The following APBB1IP variants were observed in gnomAD, a reference collection of about 807,000 sequenced individuals.
APBB1IP encodes amyloid beta A4 precursor protein-binding family B member 1-interacting protein.
APBB1IP carries 27 observed loss-of-function variants against 64.9 expected under a neutral mutation model. The ratio of observed to expected loss-of-function variants is 0.42; its 90% confidence interval spans 0.31 to 0.57. The LOEUF is 0.57. Among genes scored for constraint, APBB1IP ranks in the 20% least tolerant of loss-of-function variants. The pLI is 0.20. For missense variants in APBB1IP, 812 were observed against 845.5 expected, an observed-to-expected ratio of 0.96 and a Z score of 0.49; for synonymous variants, 392 against 331.0, an observed-to-expected ratio of 1.18 and a Z score of -2.00.
At position 26,567,663 on chromosome 10, in the gene APBB1IP, C is replaced by T; in HGVS notation, c.*175C>T. The T allele has an allele frequency of 7.4e-7, 1 of 1,351,146 alleles. No homozygotes were observed. The highest frequency in any genetic ancestry group is 2.6e-5 in the Admixed American group (1 of 37,766). 83.7% of individuals were successfully genotyped at this position (1,351,146 alleles called of 1,614,324 possible). ...AACCCAGTAGAGTTCAGAATATCTG[C>T]CCAAATGTACATATCGTTCCCATGT... On this transcript the variant is annotated 3_prime_UTR_variant, in exon 15 of 15. Coordinates refer to ENST00000376236, the MANE Select transcript of APBB1IP (RefSeq NM_019043.4).
intron 14 of APBB1IP, among the ~76,000 whole-genome samples, chr10:26,562,677 G>T (rs926144574): frequency 1.3e-5 from 2 of 152,008 alleles, no homozygotes; most frequent in Non-Finnish European, 2.9e-5. Flanking sequence ...TGCACCTGTA[G>T]TCCCAGCTAC....
At chr10:26,503,383 C>T in intron 6 of APBB1IP, 109 bp downstream of exon 6, 6 of 1,014,868 alleles carry the variant, frequency 5.9e-6, no homozygotes, top group Non-Finnish European at 8.7e-6. Flanking sequence ...CACCTGTAAT[C>T]CCAGCACTTT....
intron 2 of APBB1IP, among the ~76,000 whole-genome samples, chr10:26,448,461 CAT>C (rs1319886246): frequency 1.3e-5 from 2 of 152,188 alleles, no homozygotes; most frequent in Non-Finnish European, 2.9e-5. Flanking sequence ...TAAATGGCCT[CAT>C]GTGGCTAGTG....
chr10:26,553,336 T>C (rs1362165543), intron 11 of APBB1IP, among the ~76,000 whole-genome samples: 3 of 151,952 alleles, frequency 2.0e-5, no homozygotes, highest in Non-Finnish European at 4.4e-5. Context: ...TTTATTCTCA[T>C]AGTTTAATTC....
At chr10:26,523,065 T>C (rs2132454537) in intron 8 of APBB1IP, among the ~76,000 whole-genome samples, 1 of 151,412 alleles carries the variant, frequency 6.6e-6, no homozygotes. Context: ...GGGACATCTC[T>C]TAATGTTAGA....
rs11015145 is a variant in APBB1IP, at chr10:26,515,574, A to G, written c.813+1914A>G. 2.4e-4 allele frequency among the ~76,000 whole-genome samples: 36 copies of G among 152,358 alleles called. No individual in the cohort carries two copies. In the East Asian group the frequency reaches 6.5e-3, roughly 28 times the overall value. On this transcript the variant is annotated intron_variant, in intron 8 of 14. Coordinates refer to ENST00000376236, the MANE Select transcript of APBB1IP (RefSeq NM_019043.4). ...AAACTAGGGAGTTACATTCAGGGCC[A>G]CCACTTTGCATAACTCCTCCATGAG...
At position 26,496,375 on chromosome 10, in the gene APBB1IP, G is replaced by T. The variant is rs770437464; in HGVS notation, c.144G>T (p.Gly48=). 12 of 1,610,430 alleles carry T rather than the reference G, an allele frequency of 7.5e-6. No individual in the cohort carries two copies. The Admixed American group carries it at 1.3e-4, about 18-fold the overall frequency. The change falls in exon 4 of 15, where the codon GGG becomes GGT. Residue 48 remains glycine, a synonymous_variant. Transcript: ENST00000376236. ...GAGCTGAATTTAACTACAGTGTGGG[G>T]TTTAAAGATTTAAATGGTAAGCATA... The part of the protein sequence containing the change: ...PPRAEFNYSV[G]FKDLNESLNA...
At chr10:26,456,521 T>G (rs1300182682) in intron 2 of APBB1IP, among the ~76,000 whole-genome samples, 9 of 152,122 alleles carry the variant, frequency 5.9e-5, no homozygotes. Context: ...AAAGTTTTGC[T>G]ACTTGAAAGA....
intron 2 of APBB1IP, among the ~76,000 whole-genome samples, chr10:26,469,200 T>G (rs2132412714): frequency 6.6e-6 from 1 of 151,878 alleles, no homozygotes; most frequent in East Asian, 1.9e-4. Flanking sequence ...AAAAATATTT[T>G]TATATCCTTA....
intron 8 of APBB1IP, among the ~76,000 whole-genome samples, chr10:26,520,908 G>T (rs986720845): frequency 6.6e-6 from 1 of 152,120 alleles, no homozygotes; most frequent in Non-Finnish European, 1.5e-5. Context: ...CTACAGTAAA[G>T]TTCTGTATAA....
At chr10:26,562,238 A>G in intron 13 of APBB1IP, 88 bp from the exon 14 acceptor site, 2 of 992,656 alleles carry the variant, frequency 2.0e-6, no homozygotes, top group Admixed American at 1.8e-5. Flanking sequence ...TGCTTTAGAG[A>G]TGCAAACTGC....
intron 2 of APBB1IP, among the ~76,000 whole-genome samples, chr10:26,465,457 G>T (rs1331849183): frequency 6.6e-6 from 1 of 152,018 alleles, no homozygotes; most frequent in Non-Finnish European, 1.5e-5. Context: ...TAATAATGCT[G>T]ACATTTTATA....
chr10:26,519,686 C>T (rs1332295133), intron 8 of APBB1IP, among the ~76,000 whole-genome samples: 2 of 152,174 alleles, frequency 1.3e-5, no homozygotes, highest in African/African-American at 2.4e-5. Flanking sequence ...TTATTTTGCA[C>T]AAGAATATGT....
At chr10:26,498,911 T>C (rs1162935089) in intron 4 of APBB1IP, among the ~76,000 whole-genome samples, 4 of 152,298 alleles carry the variant, frequency 2.6e-5, no homozygotes, top group Non-Finnish European at 5.9e-5. Flanking sequence ...TGGAATTAGA[T>C]TAAGAATAGA....
intron 2 of APBB1IP, among the ~76,000 whole-genome samples, chr10:26,447,172 G>T (rs1258090718): frequency 2.6e-5 from 4 of 151,824 alleles, no homozygotes. Flanking sequence ...AGGAGATCGA[G>T]ACCATCCTGG....
chr10:26,562,167 C>A, intron 13 of APBB1IP, 159 bp from the exon 14 acceptor site: 1 of 588,730 alleles, frequency 1.7e-6, no homozygotes, highest in Non-Finnish European at 3.0e-6. Flanking sequence ...GTGAGTTGCT[C>A]TCTTTGCTTT....
At chr10:26,554,861 G>A in intron 11 of APBB1IP, among the ~76,000 whole-genome samples, 1 of 152,046 alleles carries the variant, frequency 6.6e-6, no homozygotes, top group Non-Finnish European at 1.5e-5. Flanking sequence ...ATGATTACAG[G>A]TGTGAGCGAC....
chr10:26,463,894 G>A (rs138235018), intron 2 of APBB1IP, among the ~76,000 whole-genome samples: 2 of 152,176 alleles, frequency 1.3e-5, no homozygotes, highest in East Asian at 1.9e-4. Flanking sequence ...CCCGCCACTT[G>A]CCCCCAACCC....
At chr10:26,559,980 A>G (rs1836946152) in intron 11 of APBB1IP, 125 bp from the exon 12 acceptor site, 1 of 744,446 alleles carries the variant, frequency 1.3e-6, no homozygotes, top group African/African-American at 1.7e-5. Context: ...TAACATTACA[A>G]CCAGTAATTT....
Sources: gnomAD v4.1 joint callset for allele counts (sites outside exome capture counted in the v4.1 genomes callset) on GRCh38, gnomAD v4.1.1 for gene constraint, MANE v1.5 for transcripts, NCBI Gene and HGNC (gene_info 2026-07-23, HGNC 2026-07-21) for gene names.